The following ANKRD7 variants were observed in gnomAD, a reference collection of about 807,000 sequenced individuals.
ANKRD7 encodes the protein ankyrin repeat domain 7, also known as ankyrin repeat domain-containing protein 7.
In ANKRD7, 30 loss-of-function variants were observed where a neutral mutation model predicts 30.8. The observed-to-expected ratio is 0.97, with a 90% CI of 0.73 to 1.32. The LOEUF (loss-of-function observed/expected upper bound fraction) is 1.32, where lower values mean the gene tolerates loss of function less well. Among genes scored for constraint, ANKRD7 ranks in the 40% most tolerant of loss-of-function variants. The pLI is 0.00. For synonymous variants in ANKRD7, 97 were observed against 106.6 expected (o/e 0.91, Z 0.55); for missense variants, 264 against 295.7 (o/e 0.89, Z 0.79).
chr7:118,227,697 T>TG (rs1232617563), intron 1 of ANKRD7, among the ~76,000 whole-genome samples: 1 of 152,170 alleles, frequency 6.6e-6, no homozygotes, highest in Non-Finnish European at 1.5e-5. Context: ...AACAACCACT[T>TG]GCTGCGAAAA....
chr7:118,234,519 A>G lies in ANKRD7; in HGVS notation c.268A>G (p.Ser90Gly). The G allele has an allele frequency of 6.2e-7, 1 of 1,611,988 alleles. No homozygotes were observed. The highest frequency in any genetic ancestry group is 8.5e-7 in the Non-Finnish European group (1 of 1,179,142). Residue 90 changes from serine to glycine, a missense_variant, in exon 2 of 7, where the codon AGT becomes GGT. Transcript: ENST00000265224. ...EQQCKINVRD[S>G]ENKSPLIKAV... ...ACAATGCAAAATAAATGTCCGGGATAGTGAAAACAAATCCCCATTGATTAA... is the reference window on the plus strand; with the variant it reads ...ACAATGCAAAATAAATGTCCGGGATGGTGAAAACAAATCCCCATTGATTAA...
At chr7:118,235,306 A>G (rs909541298) in intron 3 of ANKRD7, among the ~76,000 whole-genome samples, 2 of 152,172 alleles carry the variant, frequency 1.3e-5, no homozygotes, top group East Asian at 3.9e-4. Flanking sequence ...TGAATAGCCG[A>G]TGAATTTTTT....
At chr7:118,227,068 C>A (rs1037448660) in intron 1 of ANKRD7, among the ~76,000 whole-genome samples, 1 of 151,904 alleles carries the variant, frequency 6.6e-6, no homozygotes, top group East Asian at 1.9e-4. Context: ...TTCTTACTGT[C>A]TTCCTTTGTA....
In ANKRD7 at chr7:118,242,689, CA is replaced by C. The variant is rs1809865219; in HGVS notation, c.*381del. 1 of 151,978 alleles carries C rather than the reference CA, an allele frequency of 6.6e-6. No homozygotes were observed. The highest frequency in any genetic ancestry group is 6.5e-5 in the Admixed American group (1 of 15,272). 9.4% of individuals were successfully genotyped at this position (151,978 alleles called of 1,614,324 possible). ...ATAAAATAAAAATACATTTCAGCTA[CA>C]AAGTGAAGGAAAACATTATAAATAA... is the stretch of plus-strand genomic sequence containing the variant. On this transcript the variant is annotated 3_prime_UTR_variant, in exon 7 of 7. Transcript: ENST00000265224.
At chr7:118,228,378 T>G (rs1424236100) in intron 1 of ANKRD7, among the ~76,000 whole-genome samples, 1 of 152,206 alleles carries the variant, frequency 6.6e-6, no homozygotes, top group Non-Finnish European at 1.5e-5. Context: ...ACTGGTGTGC[T>G]AATACATGTT....
At chr7:118,226,874 C>T (rs967875063) in intron 1 of ANKRD7, among the ~76,000 whole-genome samples, 12 of 152,258 alleles carry the variant, frequency 7.9e-5, no homozygotes, top group Non-Finnish European at 1.5e-5. Context: ...AGTGAACCTA[C>T]ACAGTTCAAA....
In ANKRD7 at chr7:118,236,877, T is replaced by C. The variant is rs1809739600; in HGVS notation, c.663T>C (p.Gly221=). Reference sequence around the variant, plus strand: ...AAGGTGTGGAATTATGTTACGAAGGTATTGTGGATTCACAGCTGAGGAATA... The same window carrying C: ...AAGGTGTGGAATTATGTTACGAAGGCATTGTGGATTCACAGCTGAGGAATA... ...LQQGVELCYE[G]IVDSQLRNMF... is the part of the protein sequence containing the mutation. The change falls in exon 5 of 7, where the codon GGT becomes GGC. Residue 221 remains glycine (G), a synonymous_variant. Coordinates refer to ENST00000265224, the MANE Select transcript of ANKRD7 (RefSeq NM_019644.4). 5 of 1,613,924 alleles carry C rather than the reference T, an allele frequency of 3.1e-6. No homozygotes were observed. The Admixed American group carries it at 6.7e-5, about 22-fold the overall frequency.
intron 3 of ANKRD7, 77 bp downstream of exon 3, chr7:118,234,951 T>C: frequency 8.1e-7 from 1 of 1,239,288 alleles, no homozygotes; most frequent in Non-Finnish European, 1.1e-6. Context: ...TTCATCTATG[T>C]TGAAATATAT....
At chr7:118,225,069 A>G in intron 1 of ANKRD7, 60 bp downstream of exon 1, 2 of 1,578,150 alleles carry the variant, frequency 1.3e-6, no homozygotes, top group South Asian at 2.3e-5. Flanking sequence ...GTTCAACCAG[A>G]AATAAGACAA....
Position 118,242,433 on chromosome 7 carries a change from T to C in ANKRD7, c.*122T>C, listed in dbSNP as rs1809861977. On this transcript the variant is annotated 3_prime_UTR_variant, in exon 7 of 7. Transcript: ENST00000265224. ...GAAAGAACCGTTAAGTGAACTATTA[T>C]AATATTTTTGCTGACTACCCAGTTG... 6.6e-6 allele frequency: 1 copy of C among 152,090 alleles called. No homozygotes were observed. The allele number at this position is 152,090 out of a possible 1,614,324, so 9.4% of individuals were successfully genotyped here. A position where few individuals can be genotyped will look rare whatever the true frequency, so the allele number is the denominator to read the frequency against.
chr7:118,228,085 T>C (rs995527017), intron 1 of ANKRD7: 1 of 1,270,114 alleles, frequency 7.9e-7, no homozygotes, highest in Admixed American at 2.8e-5. Flanking sequence ...GCCATATCAG[T>C]GGTATTTGAA....
chr7:118,227,972 C>A (rs1809573723), intron 1 of ANKRD7: 1 of 1,327,032 alleles, frequency 7.5e-7, no homozygotes, highest in Non-Finnish European at 1.0e-6. Flanking sequence ...CTACACCACT[C>A]CGCTGAATGA....
intron 1 of ANKRD7, chr7:118,227,855 A>G: frequency 7.6e-7 from 1 of 1,322,136 alleles, no homozygotes. Context: ...GTAAGTGAAA[A>G]CTATACAGTT....
intron 3 of ANKRD7, 55 bp downstream of exon 3, chr7:118,234,929 T>C: frequency 7.2e-7 from 1 of 1,389,594 alleles, no homozygotes; most frequent in Non-Finnish European, 9.6e-7. Context: ...CTGAAGAGCA[T>C]ATTTCAGATA....
At chr7:118,239,065 A>G (rs1022887525) in intron 5 of ANKRD7, among the ~76,000 whole-genome samples, 2 of 152,154 alleles carry the variant, frequency 1.3e-5, no homozygotes, top group Non-Finnish European at 2.9e-5. Flanking sequence ...GGGATGACTT[A>G]TATGAAAAGG....
At chr7:118,232,720 T>TTGTG (rs3061652) in intron 1 of ANKRD7, among the ~76,000 whole-genome samples, 1,862 of 145,990 alleles carry the variant, frequency 0.013, 23 homozygotes, top group African/African-American at 0.03. Flanking sequence ...AGCAGTGTGT[T>TTGTG]TGTGTGTGTG....
At chr7:118,240,305 T>A (rs892024430) in intron 6 of ANKRD7, among the ~76,000 whole-genome samples, 1 of 152,098 alleles carries the variant, frequency 6.6e-6, no homozygotes, top group Non-Finnish European at 1.5e-5. Context: ...AGTGCTATCC[T>A]TCCCCCCTCC....
chr7:118,231,521 T>G (rs998845467), intron 1 of ANKRD7, among the ~76,000 whole-genome samples: 2 of 152,010 alleles, frequency 1.3e-5, no homozygotes, highest in African/African-American at 2.4e-5. Context: ...TACTTCTCCT[T>G]CACTCACCCT....
In ANKRD7 at chr7:118,224,958, A is replaced by T. The variant is rs774785020; in HGVS notation, c.128A>T (p.Glu43Val). The T allele has an allele frequency of 5.6e-6, 9 of 1,614,104 alleles. No individual in the cohort carries two copies. The highest frequency in any genetic ancestry group is 7.6e-6 in the Non-Finnish European group (9 of 1,179,950). The stretch of plus-strand genomic sequence containing the variant: ...GTCGGGGATTTGAAGAAGCTGAAGG[A>T]ATACCTTCAGATCAAGAAATATGAT... ...ASVGDLKKLK[E>V]YLQIKKYDVN... The change falls in exon 1 of 7, where the codon GAA becomes GTA. Residue 43 changes from glutamate (E) to valine (V), a missense_variant. Physicochemically the swap from Glu to Val is moderately radical, Grantham distance 121. Coordinates refer to ENST00000265224, the MANE Select transcript of ANKRD7 (RefSeq NM_019644.4).
Sources: gnomAD v4.1 joint callset for allele counts (sites outside exome capture counted in the v4.1 genomes callset) on GRCh38, gnomAD v4.1.1 for gene constraint, MANE v1.5 for transcripts, NCBI Gene and HGNC (gene_info 2026-07-23, HGNC 2026-07-21) for gene names.